The following CLVS2 variants were observed in gnomAD, a reference collection of about 807,000 sequenced individuals.
CLVS2 encodes the protein clavesin-2.
In CLVS2, 19 loss-of-function variants were observed where a neutral mutation model predicts 29.0. The observed-to-expected ratio is 0.66, with a 90% CI of 0.46 to 0.96. The LOEUF (loss-of-function observed/expected upper bound fraction) is 0.96. Ranked by LOEUF, CLVS2 falls within the 40% of genes least tolerant of loss-of-function variation. The pLI is 0.00. For synonymous variants in CLVS2, 161 were observed against 151.3 expected (o/e 1.06, Z -0.47); for missense variants, 294 against 404.1 (o/e 0.73, Z 2.34).
At chr6:123,001,717 G>T (rs1034181090) in intron 2 of CLVS2, among the ~76,000 whole-genome samples, 1 of 152,138 alleles carries the variant, frequency 6.6e-6, no homozygotes, top group Non-Finnish European at 1.5e-5. Context: ...CAAATGGTTC[G>T]CAGGATCTTA....
chr6:123,021,053 G>GA (rs1014254479), intron 3 of CLVS2, among the ~76,000 whole-genome samples: 3 of 150,562 alleles, frequency 2.0e-5, no homozygotes, highest in South Asian at 4.3e-4. Context: ...AAAGAGTATG[G>GA]GGGGGGTAAA....
intron 3 of CLVS2, among the ~76,000 whole-genome samples, chr6:123,029,656 GTTTGTTTGT>G (rs1327599779): frequency 6.6e-6 from 1 of 152,074 alleles, no homozygotes; most frequent in African/African-American, 2.4e-5. Flanking sequence ...TTTTTTGTTT[GTTTGTTTGT>G]TTTGTTTGTT....
chr6:123,035,272 T>G (rs1440213809), intron 3 of CLVS2, among the ~76,000 whole-genome samples: 1 of 152,126 alleles, frequency 6.6e-6, no homozygotes, highest in East Asian at 1.9e-4. Context: ...GAGGATTTTT[T>G]TAGGATTAAT....
At chr6:123,051,453 C>G (rs1433696486) in intron 4 of CLVS2, among the ~76,000 whole-genome samples, 1 of 152,148 alleles carries the variant, frequency 6.6e-6, no homozygotes, top group East Asian at 1.9e-4. Context: ...ACTAAGGTCT[C>G]CTACTGCTCC....
intron 3 of CLVS2, among the ~76,000 whole-genome samples, chr6:123,044,347 C>T (rs1037259809): frequency 2.0e-5 from 3 of 152,246 alleles, no homozygotes; most frequent in Middle Eastern, 3.4e-3. Flanking sequence ...AAACCAAAAG[C>T]GCTTTAGATA....
At position 123,069,245 on chromosome 6, in the gene CLVS2, A is replaced by C. The variant is rs573251594; in HGVS notation, c.*5484A>C. The C allele has an allele frequency of 6.6e-6, 1 of 151,838 alleles. No individual in the cohort carries two copies. Among genetic ancestry groups the C allele is most frequent in the African/African-American group, 2.4e-5 (1 of 41,408 alleles). 9.4% of individuals were successfully genotyped at this position (151,838 alleles called of 1,614,324 possible). A position where few individuals can be genotyped will look rare whatever the true frequency, so the allele number is the denominator to read the frequency against. The stretch of plus-strand genomic sequence containing the variant: ...TAACTAGGGTTTTCACATTTGCAAT[A>C]GAATGACTGGATTAGGCAAGAGATT... On this transcript the variant is annotated 3_prime_UTR_variant, in exon 6 of 6. Transcript: ENST00000275162.
intron 2 of CLVS2, among the ~76,000 whole-genome samples, chr6:123,003,264 G>A (rs1436899091): frequency 1.3e-5 from 2 of 152,200 alleles, no homozygotes; most frequent in Non-Finnish European, 1.5e-5. Context: ...TTTAAAGAAG[G>A]TCGAGAAGCA....
Position 123,064,025 on chromosome 6 carries a change from A to G in CLVS2, c.*264A>G. The stretch of plus-strand genomic sequence containing the variant: ...TCATGTCAAGTTTGTAAATTTCAGT[A>G]GTAACTCAGTTTGGAAAAAGGTTGG... On this transcript the variant is annotated 3_prime_UTR_variant, in exon 6 of 6. Coordinates refer to ENST00000275162, the MANE Select transcript of CLVS2 (RefSeq NM_001010852.4). 3.4e-6 allele frequency: 1 copy of G among 298,210 alleles called. No individual in the cohort carries two copies. Among genetic ancestry groups the G allele is most frequent in the Non-Finnish European group, 6.2e-6 (1 of 160,290 alleles). The allele number at this position is 298,210 out of a possible 1,614,324, so 18.5% of individuals were successfully genotyped here.
intron 3 of CLVS2, among the ~76,000 whole-genome samples, chr6:123,012,080 G>A (rs61457326): frequency 0.032 from 4,831 of 151,910 alleles, 226 homozygotes; most frequent in African/African-American, 0.11. Context: ...TCTGCCTCTG[G>A]ACTGAATAAG....
chr6:123,012,111 C>T (rs1014289579), intron 3 of CLVS2, among the ~76,000 whole-genome samples: 12 of 151,876 alleles, frequency 7.9e-5, no homozygotes, highest in Non-Finnish European at 1.6e-4. Flanking sequence ...GTTTCTTCTC[C>T]ATATAGGTTT....
At position 123,066,697 on chromosome 6, in the gene CLVS2, G is replaced by C. The variant is rs758577437; in HGVS notation, c.*2936G>C. On this transcript the variant is annotated 3_prime_UTR_variant, in exon 6 of 6. Transcript: ENST00000275162. The stretch of plus-strand genomic sequence containing the variant: ...TATTTAAGAGGGAAGAGATTATCAT[G>C]AAAATATACTCTAAGAAATATGAAG... The C allele has an allele frequency of 6.6e-6, 1 of 151,704 alleles. No homozygotes were observed. The highest frequency in any genetic ancestry group is 1.5e-5 in the Non-Finnish European group (1 of 67,736). 9.4% of individuals were successfully genotyped at this position (151,704 alleles called of 1,614,324 possible).
At chr6:123,013,739 C>T (rs1046499462) in intron 3 of CLVS2, among the ~76,000 whole-genome samples, 1 of 151,610 alleles carries the variant, frequency 6.6e-6, no homozygotes, top group Non-Finnish European at 1.5e-5. Flanking sequence ...ATACATGTGT[C>T]ATGTTGGTGT....
chr6:123,027,416 C>T (rs778682461), intron 3 of CLVS2, among the ~76,000 whole-genome samples: 2 of 152,122 alleles, frequency 1.3e-5, no homozygotes, highest in Non-Finnish European at 2.9e-5. Flanking sequence ...GCAGGCCAAG[C>T]GATAATTCAA....
At chr6:123,063,253 T>C (rs1469516371) in intron 5 of CLVS2, among the ~76,000 whole-genome samples, 1 of 152,162 alleles carries the variant, frequency 6.6e-6, no homozygotes, top group Non-Finnish European at 1.5e-5. Context: ...TTTTAAAGAC[T>C]GGAATTAAGC....
chr6:123,035,319 C>G (rs866203621), intron 3 of CLVS2, among the ~76,000 whole-genome samples: 1 of 151,160 alleles, frequency 6.6e-6, no homozygotes, highest in Non-Finnish European at 1.5e-5. Flanking sequence ...ATTGGGTACA[C>G]ACATACATAC....
At chr6:123,040,722 C>T (rs1018683152) in intron 3 of CLVS2, among the ~76,000 whole-genome samples, 3 of 150,326 alleles carry the variant, frequency 2.0e-5, no homozygotes, top group East Asian at 2.0e-4. Flanking sequence ...GAGCCGAGAT[C>T]GCGCCATTGC....
Position 123,069,837 on chromosome 6 carries a change from C to A in CLVS2, c.*6076C>A, listed in dbSNP as rs568701498. ...CCACACAGAAACATCATCAAAAACA[C>A]GTACCTCTGAGCATCACTTCTTTCT... On this transcript the variant is annotated 3_prime_UTR_variant, in exon 6 of 6. Transcript: ENST00000275162. 9.2e-5 allele frequency: 14 copies of A among 151,918 alleles called. No individual in the cohort carries two copies. The highest frequency in any genetic ancestry group is 1.3e-4 in the Non-Finnish European group (9 of 67,840). The allele number at this position is 151,918 out of a possible 1,614,324, so 9.4% of individuals were successfully genotyped here. A position where few individuals can be genotyped will look rare whatever the true frequency, so the allele number is the denominator to read the frequency against.
At chr6:123,013,512 C>G (rs1463838124) in intron 3 of CLVS2, among the ~76,000 whole-genome samples, 1 of 151,964 alleles carries the variant, frequency 6.6e-6, no homozygotes, top group Non-Finnish European at 1.5e-5. Flanking sequence ...GGCTATCAAT[C>G]TAGCAGCCAG....
At chr6:123,010,214 C>T (rs543244539) in intron 2 of CLVS2, among the ~76,000 whole-genome samples, 4 of 152,022 alleles carry the variant, frequency 2.6e-5, no homozygotes, top group Admixed American at 6.6e-5. Context: ...TTCTTAGTTC[C>T]GTTGCCTCCA....
Sources: allele counts gnomAD v4.1 joint callset (sites outside exome capture counted in the v4.1 genomes callset), GRCh38; gene constraint gnomAD v4.1.1; transcripts MANE v1.5; gene names NCBI Gene and HGNC (gene_info 2026-07-23, HGNC 2026-07-21).